FAT4: variants seen among roughly 807,000 people sequenced by gnomAD.
The protein encoded by FAT4 is protocadherin Fat 4.
In FAT4, 84 loss-of-function variants were observed where a neutral mutation model predicts 303.9. The observed-to-expected ratio is 0.28, with a 90% confidence interval of 0.23 to 0.33. The LOEUF (loss-of-function observed/expected upper bound fraction) is 0.33, where lower values mean the gene tolerates loss of function less well. Among genes scored for constraint, FAT4 ranks in the 10% least tolerant of loss-of-function variants. The pLI is 1.00. For missense variants in FAT4, 6,005 were observed against 6,146.8 expected (o/e 0.98, Z 0.77); for synonymous variants, 2,307 against 2,298.8 (o/e 1.00, Z -0.10).
intron 14 of FAT4, among the ~76,000 whole-genome samples, chr4:125,477,827 G>T (rs149851197): frequency 1.6e-3 from 247 of 151,940 alleles, no homozygotes; most frequent in African/African-American, 5.6e-3. Flanking sequence ...TATTAATTAG[G>T]TTTCTAGCAA....
chr4:125,450,941 G>C lies in FAT4; in HGVS notation c.9931G>C (p.Glu3311Gln). The C allele has an allele frequency of 6.2e-7, 1 of 1,614,170 alleles. No homozygotes were observed. Among genetic ancestry groups the C allele is most frequent in the Non-Finnish European group, 8.5e-7 (1 of 1,180,008 alleles). Residue 3311 changes from glutamate to glutamine, a missense_variant, in exon 10 of 18, where the codon GAA becomes CAA. Glu to Gln is a conservative substitution (Grantham distance 29). Transcript: ENST00000394329. ...CAAACTTTACTATTTTGAAATCTCA[G>C]AAGCAGCTCCTAAAGGTACTATTGT... ...VSKLYYFEIS[E>Q]AAPKGTIVGE...
At chr4:125,460,138 G>T (rs1202256861) in intron 10 of FAT4, among the ~76,000 whole-genome samples, 2 of 151,846 alleles carry the variant, frequency 1.3e-5, no homozygotes, top group Non-Finnish European at 2.9e-5. Context: ...TTCATGAATT[G>T]TAAAAAATTT....
At chr4:125,350,867 G>A (rs1361534776) in intron 2 of FAT4, among the ~76,000 whole-genome samples, 8 of 151,656 alleles carry the variant, frequency 5.3e-5, no homozygotes, top group Admixed American at 2.0e-4. Context: ...CAATCAGACA[G>A]TCCTTTAAAT....
Position 125,317,735 on chromosome 4 carries a change from G to A in FAT4, c.1324G>A (p.Asp442Asn), listed in dbSNP as rs1168454727. 1.2e-6 allele frequency: 2 copies of A among 1,614,140 alleles called. No individual in the cohort carries two copies. Among genetic ancestry groups the A allele is most frequent in the Non-Finnish European group, 1.7e-6 (2 of 1,180,038 alleles). The change falls in exon 2 of 18, where the codon GAT becomes AAT. Residue 442 changes from aspartate to asparagine, a missense_variant. Coordinates refer to ENST00000394329, the MANE Select transcript of FAT4 (RefSeq NM_001291303.3). This position sits in a 1 kb window ranked among gnomAD's most constrained non-coding sequence, Gnocchi z 7.0. ...CTACAACCTCACAGTTTCCGTCTCTGATAACTACGGGGCGCCCCCTGGCGC... is the reference window on the plus strand; with the variant it reads ...CTACAACCTCACAGTTTCCGTCTCTAATAACTACGGGGCGCCCCCTGGCGC... Reference protein sequence around the residue: ...PSYNLTVSVSDNYGAPPGAAV... With the variant: ...PSYNLTVSVSNNYGAPPGAAV...
chr4:125,449,511 C>A lies in FAT4; in HGVS notation c.8501C>A (p.Pro2834His). Residue 2834 changes from proline to histidine, a missense_variant, in exon 10 of 18, where the codon CCT becomes CAT. By Grantham distance (77) the Pro-to-His change is moderately conservative (BLOSUM62 -2). Coordinates refer to ENST00000394329, the MANE Select transcript of FAT4 (RefSeq NM_001291303.3). ...PSTGDIVISRPLNREDTDRYR... is the reference protein window; with the variant it reads ...PSTGDIVISRHLNREDTDRYR... ...ACAGGGGATATTGTCATAAGCAGAC[C>A]TTTAAATAGGGAAGATACAGACCGT... 2 of 1,613,730 alleles carry A rather than the reference C, an allele frequency of 1.2e-6. No individual in the cohort carries two copies. The highest frequency in any genetic ancestry group is 1.7e-6 in the Non-Finnish European group (2 of 1,179,814).
intron 4 of FAT4, 25 bp from the exon 5 acceptor site, chr4:125,408,419 T>C: frequency 1.4e-6 from 2 of 1,434,938 alleles, no homozygotes; most frequent in Non-Finnish European, 1.9e-6. Context: ...CTTGATTTTA[T>C]ACTATTAATT....
chr4:125,322,994 A>C (rs1186177921), intron 2 of FAT4, among the ~76,000 whole-genome samples: 1 of 152,100 alleles, frequency 6.6e-6, no homozygotes, highest in African/African-American at 2.4e-5. Flanking sequence ...CATGATTTAT[A>C]TGTAATTGAA....
intron 2 of FAT4, among the ~76,000 whole-genome samples, chr4:125,379,871 T>C (rs1733474689): frequency 6.6e-6 from 1 of 152,064 alleles, no homozygotes; most frequent in Non-Finnish European, 1.5e-5. Context: ...CTAGCTTATA[T>C]GCCCACGTGT....
chr4:125,345,462 A>G (rs1178576001), intron 2 of FAT4, among the ~76,000 whole-genome samples: 1 of 151,870 alleles, frequency 6.6e-6, no homozygotes, highest in Non-Finnish European at 1.5e-5. Flanking sequence ...AAAAAAACAC[A>G]CAAAAAGTGG....
intron 2 of FAT4, among the ~76,000 whole-genome samples, chr4:125,391,175 C>T (rs1297467184): frequency 6.6e-6 from 1 of 152,022 alleles, no homozygotes; most frequent in Non-Finnish European, 1.5e-5. Flanking sequence ...TGGGTATATA[C>T]CCAAAGGAAT....
At position 125,366,290 on chromosome 4, in the gene FAT4, C is replaced by T. The variant is rs148874159; in HGVS notation, c.5176-32494C>T. ...TAATAGACCCCAGTATGTGTTGTTC[C>T]CTTCTATGTGTTTATATGTTCTCCT... On this transcript the variant is annotated intron_variant, in intron 2 of 17. Transcript: ENST00000394329. Among the ~76,000 whole-genome samples, 381 of 152,142 alleles carry T rather than the reference C, an allele frequency of 2.5e-3. 4 individuals are homozygous for T. The highest frequency in any genetic ancestry group is 8.1e-3 in the Admixed American group (124 of 15,276).
At chr4:125,408,856 C>A in intron 5 of FAT4, 62 bp downstream of exon 5, 1 of 902,314 alleles carries the variant, frequency 1.1e-6, no homozygotes, top group Non-Finnish European at 1.6e-6. Context: ...ATTTATATTA[C>A]ATTTATTTAT....
At chr4:125,418,561 G>A (rs998785724) in intron 7 of FAT4, among the ~76,000 whole-genome samples, 5 of 152,090 alleles carry the variant, frequency 3.3e-5, no homozygotes, top group African/African-American at 1.2e-4. Context: ...CCGGAAGAGG[G>A]TATAATAATT....
intron 7 of FAT4, among the ~76,000 whole-genome samples, chr4:125,418,334 C>T (rs931944382): frequency 6.6e-6 from 1 of 152,060 alleles, no homozygotes; most frequent in East Asian, 1.9e-4. Context: ...GCACAGATTG[C>T]AGTGGCAGTT....
Position 125,452,482 on chromosome 4 carries a change from T to C in FAT4, c.11472T>C (p.Ala3824=). 1 of 1,614,038 alleles carries C rather than the reference T, an allele frequency of 6.2e-7. No homozygotes were observed. The highest frequency in any genetic ancestry group is 8.5e-7 in the Non-Finnish European group (1 of 1,180,028). ...GAGGGAGCTGTCTACGAAGATTGGCTGTGAGCTCCGTATTAAAAAGCCGTG... is the reference window on the plus strand; with the variant it reads ...GAGGGAGCTGTCTACGAAGATTGGCCGTGAGCTCCGTATTAAAAAGCCGTG... The part of the protein sequence containing the change: ...QNGGSCLRRL[A]VSSVLKSRES... Residue 3824 remains alanine (A), a synonymous_variant, in exon 10 of 18, where the codon GCT becomes GCC. Transcript: ENST00000394329.
intron 2 of FAT4, among the ~76,000 whole-genome samples, chr4:125,327,090 C>G (rs921746619): frequency 1.3e-5 from 2 of 152,120 alleles, no homozygotes; most frequent in Non-Finnish European, 2.9e-5. Flanking sequence ...TTGCCTACCA[C>G]AGCTAAGGCC....
intron 7 of FAT4, among the ~76,000 whole-genome samples, chr4:125,431,306 A>T (rs1725275684): frequency 6.6e-6 from 1 of 152,196 alleles, no homozygotes; most frequent in Non-Finnish European, 1.5e-5. Flanking sequence ...TACCACATTT[A>T]AAAATGTCCA....
Position 125,321,150 on chromosome 4 carries a change from A to T in FAT4, c.4739A>T (p.Tyr1580Phe). Reference sequence around the variant, plus strand: ...ACAGACACCTTCATTGTTGATCGTTATAGTGGAGACCTGAGAGTGGCTTCA... The same window carrying T: ...ACAGACACCTTCATTGTTGATCGTTTTAGTGGAGACCTGAGAGTGGCTTCA... ...GDTDTFIVDRYSGDLRVASAL... is the reference protein window; with the variant it reads ...GDTDTFIVDRFSGDLRVASAL... The change falls in exon 2 of 18, where the codon TAT (tyrosine) becomes TTT (phenylalanine). Residue 1580 changes from tyrosine (Y) to phenylalanine (F), a missense_variant. Tyr to Phe is a conservative substitution (Grantham distance 22, BLOSUM62 3). Transcript: ENST00000394329. The T allele has an allele frequency of 6.2e-7, 1 of 1,614,150 alleles. No individual in the cohort carries two copies. The highest frequency in any genetic ancestry group is 8.5e-7 in the Non-Finnish European group (1 of 1,179,980).
intron 7 of FAT4, among the ~76,000 whole-genome samples, chr4:125,430,956 C>T (rs1314218011): frequency 6.6e-6 from 1 of 152,164 alleles, no homozygotes; most frequent in Non-Finnish European, 1.5e-5. Flanking sequence ...CACAGTGAGA[C>T]TGAACTTGCT....
Sources: allele counts gnomAD v4.1 joint callset (sites outside exome capture counted in the v4.1 genomes callset), GRCh38; gene constraint gnomAD v4.1.1; non-coding constraint Gnocchi (gnomAD v3.1); transcripts MANE v1.5; gene names NCBI Gene and HGNC (gene_info 2026-07-23, HGNC 2026-07-21).